DCLRE1C: variants seen among roughly 807,000 people sequenced by gnomAD.
DCLRE1C encodes DNA cross-link repair 1C.
In DCLRE1C, 47 loss-of-function variants were observed where a neutral mutation model predicts 61.4. The observed-to-expected ratio is 0.77, with a 90% CI of 0.61 to 0.98. The LOEUF (loss-of-function observed/expected upper bound fraction) is 0.98. Among genes scored for constraint, DCLRE1C ranks in the 50% least tolerant of loss-of-function variants. The probability of loss-of-function intolerance (pLI) is 0.00; values close to 1 mark genes in which losing one functional copy is unlikely to be tolerated. For missense variants in DCLRE1C, 858 were observed against 816.0 expected, an observed-to-expected ratio of 1.05 and a Z score of -0.63; for synonymous variants, 337 against 287.6, an observed-to-expected ratio of 1.17 and a Z score of -1.74.
intron 5 of DCLRE1C, 65 bp from the exon 6 acceptor site, chr10:14,935,629 T>C: frequency 2.1e-6 from 3 of 1,428,192 alleles, no homozygotes; most frequent in Non-Finnish European, 3.0e-6. Context: ...AGCAAATACA[T>C]GTGAGCTGCA....
rs754767922 is a variant in DCLRE1C, at chr10:14,907,172, T to C, written c.*1236A>G. ...GCCACCATTTAATTCTTGAGCATTT[T>C]CTTTTATATTCTAATTGTCCGCTTC... On this transcript the variant is annotated 3_prime_UTR_variant, in exon 14 of 14. Transcript: ENST00000378278. Among the ~76,000 whole-genome samples the C allele has an allele frequency of 1.1e-4, 17 of 151,930 alleles. No homozygotes were observed. Among genetic ancestry groups the C allele is most frequent in the Non-Finnish European group, 2.4e-4 (16 of 68,004 alleles).
intron 9 of DCLRE1C, among the ~76,000 whole-genome samples, chr10:14,929,238 C>G (rs1284847983): frequency 6.6e-6 from 1 of 152,006 alleles, no homozygotes; most frequent in Non-Finnish European, 1.5e-5. Flanking sequence ...AACTCTGTCT[C>G]TACTAAAAAT....
intron 4 of DCLRE1C, among the ~76,000 whole-genome samples, chr10:14,937,296 T>C (rs2130987188): frequency 6.8e-6 from 1 of 148,058 alleles, no homozygotes; most frequent in Non-Finnish European, 1.5e-5. Context: ...TTTTTTTTTT[T>C]TTTTTTTGAG....
Position 14,935,604 on chromosome 10 carries a change from A to T in DCLRE1C, c.363-40T>A, listed in dbSNP as rs370006951. The T allele has an allele frequency of 5.1e-6, 8 of 1,580,536 alleles. No homozygotes were observed. In the African/African-American group the frequency reaches 9.4e-5, roughly 19 times the overall value. On this transcript the variant is annotated intron_variant, in intron 5 of 13. Coordinates refer to ENST00000378278, the MANE Select transcript of DCLRE1C (RefSeq NM_001033855.3). ...TATCCCAGTGACTTCTGAGTCTCATATAAACTCCCAATAAAGCAAATACAT... is the reference window on the plus strand; with the variant it reads ...TATCCCAGTGACTTCTGAGTCTCATTTAAACTCCCAATAAAGCAAATACAT...
At chr10:14,922,486 GAA>G (rs1368850065) in intron 12 of DCLRE1C, among the ~76,000 whole-genome samples, 1 of 150,876 alleles carries the variant, frequency 6.6e-6, no homozygotes, top group East Asian at 1.9e-4. Context: ...GAAACCCAAA[GAA>G]GAGGTAAGAA....
chr10:14,943,764 T>C (rs41296950), intron 3 of DCLRE1C, among the ~76,000 whole-genome samples: 2 of 145,150 alleles, frequency 1.4e-5, no homozygotes, highest in African/African-American at 5.1e-5. Context: ...GGCCAGGCTG[T>C]TCTCTATCTG....
chr10:14,923,844 A>G (rs1021772493), intron 11 of DCLRE1C, among the ~76,000 whole-genome samples: 3 of 152,222 alleles, frequency 2.0e-5, no homozygotes, highest in Non-Finnish European at 4.4e-5. Context: ...GGAAAACACA[A>G]TGCAGTCAAG....
At chr10:14,941,781 C>G (rs1840901541) in intron 3 of DCLRE1C, among the ~76,000 whole-genome samples, 2 of 152,074 alleles carry the variant, frequency 1.3e-5, no homozygotes, top group African/African-American at 4.8e-5. Flanking sequence ...TGAGCACCCC[C>G]CAAAATACTA....
At chr10:14,913,250 G>C (rs1029334720) in intron 13 of DCLRE1C, among the ~76,000 whole-genome samples, 6 of 152,256 alleles carry the variant, frequency 3.9e-5, no homozygotes, top group Non-Finnish European at 8.8e-5. Flanking sequence ...TAGTAATGGG[G>C]AGTGACTGGA....
In DCLRE1C at chr10:14,922,978, CACATTT is replaced by C; in HGVS notation, c.1058_1061+2del. The C allele has an allele frequency of 6.2e-7, 1 of 1,612,390 alleles. No homozygotes were observed. Among genetic ancestry groups the C allele is most frequent in the Non-Finnish European group, 8.5e-7 (1 of 1,178,402 alleles). On this transcript the variant is annotated splice_donor_variant and coding_sequence_variant, in exon 12 of 14. Transcript: ENST00000378278. LOFTEE classifies it high-confidence loss of function. ...CCAAGTCCCACAACCAGTGACTACT[CACATTT>C]CGACAACTTTATCCATAGTTGTGCC...
chr10:14,928,601 T>C (rs771222425), intron 9 of DCLRE1C, among the ~76,000 whole-genome samples: 25 of 152,088 alleles, frequency 1.6e-4, no homozygotes, highest in Non-Finnish European at 1.2e-4. Context: ...TATTGTACTG[T>C]GGTTATATAG....
downstream of DCLRE1C, among the ~76,000 whole-genome samples, chr10:14,900,073 G>A (rs1008688782): frequency 1.3e-5 from 2 of 152,164 alleles, no homozygotes; most frequent in Non-Finnish European, 2.9e-5. Flanking sequence ...ATGTACAACT[G>A]AAGGTAAATG....
Position 14,908,187 on chromosome 10 carries a change from T to G in DCLRE1C, c.*221A>C, listed in dbSNP as rs1056191660. On this transcript the variant is annotated 3_prime_UTR_variant, in exon 14 of 14. Transcript: ENST00000378278. ...TGGCTTTTTTTTTTTTTTTTTTTTTTGTAAGTAGAGACACATTTCACTGTG... is the reference window on the plus strand; with the variant it reads ...TGGCTTTTTTTTTTTTTTTTTTTTTGGTAAGTAGAGACACATTTCACTGTG... 2.6e-5 allele frequency: 6 copies of G among 230,602 alleles called. No individual in the cohort carries two copies. The highest frequency in any genetic ancestry group is 1.5e-4 in the African/African-American group (6 of 39,982). The allele number at this position is 230,602 out of a possible 1,614,324, so 14.3% of individuals were successfully genotyped here.
chr10:14,936,821 A>T (rs1054499204), intron 4 of DCLRE1C, among the ~76,000 whole-genome samples: 3 of 152,170 alleles, frequency 2.0e-5, no homozygotes, highest in African/African-American at 7.2e-5. Flanking sequence ...AACCAAGATA[A>T]GCGAAAACCG....
rs1382274921 is a variant in DCLRE1C at position 14,908,880 on chromosome 10, T to C, written c.1607A>G (p.Asn536Ser). ...DGESTHISSQ[N>S]SSQSTHITEQ... ...TGTTATGTGTGTTGACTGGGAAGAA[T>C]TCTGGGAGGAGATGTGAGTTGATTC... The change falls in exon 14 of 14, where the codon AAT becomes AGT. Residue 536 changes from asparagine (N) to serine (S), a missense_variant. Coordinates refer to ENST00000378278, the MANE Select transcript of DCLRE1C (RefSeq NM_001033855.3). 6.2e-7 allele frequency: 1 copy of C among 1,614,210 alleles called. No individual in the cohort carries two copies. The highest frequency in any genetic ancestry group is 1.1e-5 in the South Asian group (1 of 91,086).
chr10:14,944,607 A>G (rs1338787570), intron 3 of DCLRE1C, among the ~76,000 whole-genome samples: 2 of 151,884 alleles, frequency 1.3e-5, no homozygotes, highest in South Asian at 2.1e-4. Flanking sequence ...AGGAAAACAT[A>G]TCAACAACTA....
intron 4 of DCLRE1C, among the ~76,000 whole-genome samples, chr10:14,937,976 A>G (rs1195776660): frequency 6.6e-6 from 1 of 151,904 alleles, no homozygotes; most frequent in Non-Finnish European, 1.5e-5. Context: ...CTGTTCGGCA[A>G]GGGCAAGACC....
At chr10:14,932,994 G>A (rs764659086) in intron 8 of DCLRE1C, 39 bp from the exon 9 acceptor site, 4 of 1,597,966 alleles carry the variant, frequency 2.5e-6, no homozygotes, top group African/African-American at 1.3e-5. Flanking sequence ...TATGTGAAAT[G>A]TATTTCCTAT....
At chr10:14,949,546 T>A (rs41304328) in intron 1 of DCLRE1C, among the ~76,000 whole-genome samples, 36 of 152,244 alleles carry the variant, frequency 2.4e-4, no homozygotes, top group African/African-American at 8.2e-4. Flanking sequence ...TGTTTCGTCA[T>A]CTTCTCAGCC....
Sources: gnomAD v4.1 joint callset for allele counts (sites outside exome capture counted in the v4.1 genomes callset) on GRCh38, gnomAD v4.1.1 for gene constraint, MANE v1.5 for transcripts, NCBI Gene and HGNC (gene_info 2026-07-23, HGNC 2026-07-21) for gene names.